Variants in CAMKMT observed in about 807,000 individuals in gnomAD.
CAMKMT encodes CaM KMT.
In CAMKMT, 53 loss-of-function variants were observed where a neutral mutation model predicts 48.0. The observed-to-expected ratio is 1.10, with a 90% CI of 0.89 to 1.39. The LOEUF (loss-of-function observed/expected upper bound fraction) is 1.39. CAMKMT is among the 40% of genes most tolerant of loss of function. The pLI is 0.00. For missense variants in CAMKMT, 428 were observed against 402.7 expected, an observed-to-expected ratio of 1.06 and a Z score of -0.54; for synonymous variants, 165 against 152.3, an observed-to-expected ratio of 1.08 and a Z score of -0.61.
At chr2:44,363,720 T>C (rs1197022916) in intron 1 of CAMKMT, among the ~76,000 whole-genome samples, 1 of 148,024 alleles carries the variant, frequency 6.8e-6, no homozygotes, top group East Asian at 2.0e-4. Context: ...TACAGAGCCT[T>C]ACTGTGTTGC....
intron 3 of CAMKMT, among the ~76,000 whole-genome samples, chr2:44,672,236 G>A (rs2104131454): frequency 6.6e-6 from 1 of 152,298 alleles, no homozygotes; most frequent in Middle Eastern, 3.4e-3. Flanking sequence ...AGACTAGCAA[G>A]GAGGTCTGGT....
chr2:44,722,624 TA>T (rs368057930), intron 7 of CAMKMT, among the ~76,000 whole-genome samples: 1,573 of 152,132 alleles, frequency 0.01, 25 homozygotes, highest in African/African-American at 0.036. Flanking sequence ...AAAATTACAT[TA>T]AAAAATGCAC....
intron 3 of CAMKMT, among the ~76,000 whole-genome samples, chr2:44,427,863 A>G (rs935964960): frequency 1.3e-5 from 2 of 152,148 alleles, no homozygotes; most frequent in African/African-American, 2.4e-5. Flanking sequence ...GGGACTTGCG[A>G]CAGGGTTGGC....
At position 44,402,611 on chromosome 2, in the gene CAMKMT, A is replaced by AT. The variant is rs1319242321; in HGVS notation, c.376+12313dup. The stretch of plus-strand genomic sequence containing the variant: ...AAAGTCATATTTTTCAGTCTGGAAA[A>AT]TTTTTTTGAATTACTCTTTTAATGA... On this transcript the variant is annotated intron_variant, in intron 3 of 10. Coordinates refer to ENST00000378494, the MANE Select transcript of CAMKMT (RefSeq NM_024766.5). 4.0e-5 allele frequency among the ~76,000 whole-genome samples: 6 copies of AT among 151,574 alleles called. No homozygotes were observed. In the East Asian group the frequency reaches 1.2e-3, roughly 29 times the overall value.
chr2:44,753,507 A>G (rs1046103125), intron 8 of CAMKMT, among the ~76,000 whole-genome samples: 9 of 151,926 alleles, frequency 5.9e-5, no homozygotes, highest in Admixed American at 5.9e-4. Context: ...GGTCTCTGTG[A>G]TATATTGTCT....
intron 3 of CAMKMT, among the ~76,000 whole-genome samples, chr2:44,609,902 A>G (rs959799363): frequency 1.3e-5 from 2 of 152,214 alleles, no homozygotes; most frequent in Non-Finnish European, 2.9e-5. Context: ...CTGGGGTGGA[A>G]AAACAGTTGA....
chr2:44,544,331 G>A (rs369090327), intron 3 of CAMKMT, among the ~76,000 whole-genome samples: 7 of 152,260 alleles, frequency 4.6e-5, no homozygotes, highest in African/African-American at 1.7e-4. Flanking sequence ...CCAGCAGCTT[G>A]AGCCTTCTTT....
intron 3 of CAMKMT, among the ~76,000 whole-genome samples, chr2:44,509,128 G>A (rs1046088125): frequency 7.9e-5 from 12 of 151,024 alleles, no homozygotes; most frequent in Non-Finnish European, 1.3e-4. Context: ...TTAAATTCCT[G>A]TAGCTTTAAT....
intron 3 of CAMKMT, among the ~76,000 whole-genome samples, chr2:44,509,736 G>A (rs1420950929): frequency 6.6e-6 from 1 of 152,166 alleles, no homozygotes; most frequent in Non-Finnish European, 1.5e-5. Flanking sequence ...ATTCTCATGG[G>A]AGTGAGTTGT....
chr2:44,376,149 G>T (rs1679667555), intron 2 of CAMKMT, among the ~76,000 whole-genome samples: 1 of 152,012 alleles, frequency 6.6e-6, no homozygotes. Flanking sequence ...AGTGGCTCAT[G>T]CCTGTAGTTT....
intron 2 of CAMKMT, among the ~76,000 whole-genome samples, chr2:44,385,776 T>A (rs1680729518): frequency 6.6e-6 from 1 of 152,170 alleles, no homozygotes; most frequent in Non-Finnish European, 1.5e-5. Context: ...TGTATCACAT[T>A]TATTGATTTG....
chr2:44,386,974 A>G (rs939289477), intron 2 of CAMKMT, among the ~76,000 whole-genome samples: 1 of 152,124 alleles, frequency 6.6e-6, no homozygotes, highest in Admixed American at 6.5e-5. Flanking sequence ...GTGCTGTTGA[A>G]TAAAAAGTTT....
intron 2 of CAMKMT, among the ~76,000 whole-genome samples, chr2:44,378,120 C>T (rs149086175): frequency 5.3e-5 from 8 of 152,178 alleles, no homozygotes; most frequent in Admixed American, 1.3e-4. Flanking sequence ...AATAAAACAA[C>T]GTTTTTTAGG....
chr2:44,453,980 A>G (rs1396312931), intron 3 of CAMKMT, among the ~76,000 whole-genome samples: 3 of 152,116 alleles, frequency 2.0e-5, no homozygotes, highest in South Asian at 2.1e-4. Context: ...GGAAGTAAGA[A>G]TTAGACAAAA....
intron 7 of CAMKMT, among the ~76,000 whole-genome samples, chr2:44,730,164 T>A (rs932718824): frequency 2.0e-5 from 3 of 152,212 alleles, no homozygotes; most frequent in African/African-American, 7.2e-5. Context: ...ACTTGGGATA[T>A]TTGGGGAGCT....
chr2:44,706,462 G>T, intron 5 of CAMKMT, 121 bp downstream of exon 5: 1 of 885,852 alleles, frequency 1.1e-6, no homozygotes, highest in South Asian at 1.4e-5. Context: ...AAGCTGCCGG[G>T]TCTTGAGAGA....
intron 7 of CAMKMT, among the ~76,000 whole-genome samples, chr2:44,724,011 G>A (rs1678635804): frequency 6.6e-6 from 1 of 152,188 alleles, no homozygotes. Context: ...TCTGAGATAA[G>A]GGAAGTGTTC....
intron 3 of CAMKMT, among the ~76,000 whole-genome samples, chr2:44,488,111 C>G (rs1669297020): frequency 6.6e-6 from 1 of 152,146 alleles, no homozygotes; most frequent in African/African-American, 2.4e-5. Context: ...TGTCTCATAC[C>G]AATATCAATG....
At chr2:44,645,313 T>A (rs1673672894) in intron 3 of CAMKMT, among the ~76,000 whole-genome samples, 1 of 152,222 alleles carries the variant, frequency 6.6e-6, no homozygotes, top group South Asian at 2.1e-4. Context: ...TCTAGCTTCA[T>A]CTTTTCTCAG....
Sources: gnomAD v4.1 joint callset for allele counts (sites outside exome capture counted in the v4.1 genomes callset) on GRCh38, gnomAD v4.1.1 for gene constraint, MANE v1.5 for transcripts, NCBI Gene and HGNC (gene_info 2026-07-23, HGNC 2026-07-21) for gene names.